The following CAMTA1 variants were observed in gnomAD, a reference collection of about 807,000 sequenced individuals.
The protein encoded by CAMTA1 is calmodulin-binding transcription activator 1.
A neutral mutation model predicts 170.9 loss-of-function variants in CAMTA1; 27 were observed. The ratio of observed to expected loss-of-function variants is 0.16; its 90% CI spans 0.12 to 0.22. The LOEUF is 0.22. CAMTA1 is among the 10% of genes least tolerant of loss of function. CAMTA1 has a pLI of 1.00. For missense variants in CAMTA1, 1,619 were observed against 2,217.2 expected, an observed-to-expected ratio of 0.73 and a Z score of 5.42; for synonymous variants, 833 against 891.5, an observed-to-expected ratio of 0.93 and a Z score of 1.17.
intron 4 of CAMTA1, among the ~76,000 whole-genome samples, chr1:7,196,184 G>A (rs1277540285): frequency 6.6e-6 from 1 of 151,722 alleles, no homozygotes; most frequent in Non-Finnish European, 1.5e-5. Context: ...AAAAGTGTGT[G>A]GCACTTCCCC....
At chr1:7,205,313 G>C (rs1489336527) in intron 4 of CAMTA1, among the ~76,000 whole-genome samples, 2 of 151,952 alleles carry the variant, frequency 1.3e-5, no homozygotes, top group Non-Finnish European at 2.9e-5. Flanking sequence ...AAGTTGGTCA[G>C]GCTGATCTTG....
At position 7,665,095 on chromosome 1, in the gene CAMTA1, G is replaced by A. The variant is rs764315222; in HGVS notation, c.2548G>A (p.Glu850Lys). The change falls in exon 9 of 23, where the codon GAG (glutamate) becomes AAG (lysine). Residue 850 changes from glutamate (E) to lysine (K), a missense_variant. By Grantham distance (56) the Glu-to-Lys change is moderately conservative. This residue lies in a region of CAMTA1 where 731 missense variants were observed against 907.6 expected (regional missense o/e 0.81). Transcript: ENST00000303635. This position sits in a 1 kb window ranked among gnomAD's most constrained non-coding sequence, Gnocchi z 4.3. ...ASTMAYMHVA[E>K]VVSAASAQGT... is the part of the protein sequence containing the mutation. Reference sequence around the variant, plus strand: ...CACCATGGCCTACATGCACGTCGCCGAGGTGGTCTCGGCCGCCTCGGCCCA... The same window carrying A: ...CACCATGGCCTACATGCACGTCGCCAAGGTGGTCTCGGCCGCCTCGGCCCA... 1.8e-5 allele frequency: 28 copies of A among 1,542,796 alleles called. No homozygotes were observed. The highest frequency in any genetic ancestry group is 4.1e-5 in the African/African-American group (3 of 72,852).
chr1:7,605,372 C>A (rs2095478374), intron 6 of CAMTA1, among the ~76,000 whole-genome samples: 1 of 152,268 alleles, frequency 6.6e-6, no homozygotes, highest in Non-Finnish European at 1.5e-5. Flanking sequence ...CCTACTCAAG[C>A]CTCGGCAATG....
chr1:7,710,297 C>T (rs953336411), intron 11 of CAMTA1, among the ~76,000 whole-genome samples: 4 of 152,188 alleles, frequency 2.6e-5, no homozygotes, highest in African/African-American at 7.2e-5. Context: ...CTCAGACTGG[C>T]TTACATAAAA....
intron 3 of CAMTA1, among the ~76,000 whole-genome samples, chr1:7,037,357 C>T (rs1193084157): frequency 1.3e-5 from 2 of 152,076 alleles, no homozygotes; most frequent in Non-Finnish European, 2.9e-5. Context: ...GAGAGGCAGG[C>T]GGAGGAGCAG....
intron 6 of CAMTA1, among the ~76,000 whole-genome samples, chr1:7,497,689 A>C (rs1557816129): frequency 6.6e-6 from 1 of 152,202 alleles, no homozygotes; most frequent in Non-Finnish European, 1.5e-5. Context: ...GACTTCCCTG[A>C]CTGGAGAGAC....
At chr1:7,597,310 C>T (rs2095407669) in intron 6 of CAMTA1, among the ~76,000 whole-genome samples, 2 of 152,176 alleles carry the variant, frequency 1.3e-5, no homozygotes, top group African/African-American at 2.4e-5. Context: ...GATGAGCTGA[C>T]GCCTGTGATG....
intron 11 of CAMTA1, among the ~76,000 whole-genome samples, chr1:7,696,864 T>C (rs1048344931): frequency 1.3e-5 from 2 of 152,234 alleles, no homozygotes; most frequent in East Asian, 3.9e-4. Context: ...GGTGAAGAAG[T>C]GCATGGACAT....
intron 6 of CAMTA1, among the ~76,000 whole-genome samples, chr1:7,639,029 A>T (rs1008069007): frequency 1.3e-5 from 2 of 152,184 alleles, no homozygotes; most frequent in African/African-American, 4.8e-5. Context: ...CCCAGGCTGG[A>T]GTGCAGGGGT....
chr1:7,663,702 G>A lies in CAMTA1; in HGVS notation c.1155G>A (p.Ala385=), dbSNP rs371856667. The change falls in exon 9 of 23, where the codon GCG becomes GCA. Residue 385 remains alanine (A), a synonymous_variant. Coordinates refer to ENST00000303635, the MANE Select transcript of CAMTA1 (RefSeq NM_015215.4). ...TGGTCACAGGTGTGTCCGGTATGGC[G>A]GTGGCCTCTGTGATGGGGAGCTTGT... The part of the protein sequence containing the change: ...SPVVTGVSGM[A]VASVMGSLSQ... 118 of 1,613,942 alleles carry A rather than the reference G, an allele frequency of 7.3e-5. No homozygotes were observed. The highest frequency in any genetic ancestry group is 9.2e-5 in the Non-Finnish European group (109 of 1,180,030).
intron 5 of CAMTA1, among the ~76,000 whole-genome samples, chr1:7,301,456 C>G (rs1442155941): frequency 6.6e-6 from 1 of 152,188 alleles, no homozygotes; most frequent in South Asian, 2.1e-4. Context: ...TATAGTTTCC[C>G]AGCCCTTGTT....
chr1:7,306,424 G>C (rs191101075), intron 5 of CAMTA1, among the ~76,000 whole-genome samples: 1 of 151,618 alleles, frequency 6.6e-6, no homozygotes, highest in Non-Finnish European at 1.5e-5. Flanking sequence ...TTGCACCTTT[G>C]TCAAAAATCA....
chr1:7,602,556 A>G (rs1028716608), intron 6 of CAMTA1, among the ~76,000 whole-genome samples: 55 of 151,918 alleles, frequency 3.6e-4, no homozygotes, highest in Middle Eastern at 3.4e-3. Context: ...TTTCTTCTGT[A>G]TTAGTCTTGC....
rs1301973157 is a variant in CAMTA1 at position 6,946,913 on chromosome 1, A to G, written c.234+121703A>G. On this transcript the variant is annotated intron_variant, in intron 3 of 22. Transcript: ENST00000303635. Reference sequence around the variant, plus strand: ...TCCAAGGTCATAAAGATTTACTTCTATGTTTTTGTCTAAGAGTTTTGTAGC... The same window carrying G: ...TCCAAGGTCATAAAGATTTACTTCTGTGTTTTTGTCTAAGAGTTTTGTAGC... 2.6e-5 allele frequency among the ~76,000 whole-genome samples: 4 copies of G among 152,296 alleles called. No individual in the cohort carries two copies. In the East Asian group the frequency reaches 7.7e-4, roughly 29 times the overall value.
At chr1:7,327,249 A>C (rs1356838592) in intron 5 of CAMTA1, among the ~76,000 whole-genome samples, 1 of 151,418 alleles carries the variant, frequency 6.6e-6, no homozygotes, top group Non-Finnish European at 1.5e-5. Flanking sequence ...CTAAAAATAC[A>C]AAAAAAATTA....
At chr1:7,544,373 A>G (rs1169604943) in intron 6 of CAMTA1, among the ~76,000 whole-genome samples, 2 of 152,198 alleles carry the variant, frequency 1.3e-5, no homozygotes, top group Admixed American at 1.3e-4. Context: ...TGAGAGTACA[A>G]TTCAAGATGA....
chr1:7,032,416 C>T (rs1177124457), intron 3 of CAMTA1, among the ~76,000 whole-genome samples: 1 of 152,120 alleles, frequency 6.6e-6, no homozygotes, highest in Non-Finnish European at 1.5e-5. Context: ...TATCATAGTC[C>T]ACTTTCAGGT....
chr1:7,558,332 G>C (rs952065802), intron 6 of CAMTA1, among the ~76,000 whole-genome samples: 1 of 152,182 alleles, frequency 6.6e-6, no homozygotes, highest in Non-Finnish European at 1.5e-5. Flanking sequence ...GAAGAGGGGG[G>C]TCAAGGCCGC....
rs369988232 is a variant in CAMTA1 at position 7,391,074 on chromosome 1, C to T, written c.439-76756C>T. 2.8e-3 allele frequency among the ~76,000 whole-genome samples: 428 copies of T among 152,100 alleles called. 2 individuals are homozygous for T. The highest frequency in any genetic ancestry group is 0.01 in the Middle Eastern group (3 of 294). On this transcript the variant is annotated intron_variant, in intron 5 of 22. Transcript: ENST00000303635. ...GTGCAGTGACGCGATCTCGGCTCAC[C>T]GCAACCCCCACCTCCCAGGTTCAAG...
Sources: allele counts gnomAD v4.1 joint callset (sites outside exome capture counted in the v4.1 genomes callset), GRCh38; gene constraint gnomAD v4.1.1; regional missense constraint gnomAD v4.1.1; non-coding constraint Gnocchi (gnomAD v3.1); transcripts MANE v1.5; gene names NCBI Gene and HGNC (gene_info 2026-07-23, HGNC 2026-07-21).